Variants in CHST9 observed in about 807,000 individuals in gnomAD.
The protein encoded by CHST9 is carbohydrate sulfotransferase 9, also known as GalNAc-4-sulfotransferase 2.
Under a neutral mutation model 44.4 loss-of-function variants are expected in CHST9, and 41 were observed. The observed-to-expected ratio is 0.92, with a 90% CI of 0.72 to 1.20. CHST9 has a LOEUF of 1.20. Among genes scored for constraint, CHST9 ranks in the 50% most tolerant of loss-of-function variants. CHST9 has a pLI of 0.00. For synonymous variants in CHST9, 171 were observed against 178.4 expected (o/e 0.96, Z 0.33); for missense variants, 504 against 516.5 (o/e 0.98, Z 0.23).
intron 4 of CHST9, among the ~76,000 whole-genome samples, chr18:26,964,147 T>C (rs2056435143): frequency 6.6e-6 from 1 of 152,246 alleles, no homozygotes; most frequent in Non-Finnish European, 1.5e-5. Flanking sequence ...ATTAACGTTC[T>C]AATGCTTTAT....
intron 2 of CHST9, among the ~76,000 whole-genome samples, chr18:27,125,329 T>C (rs186581581): frequency 3.9e-5 from 6 of 152,332 alleles, no homozygotes; most frequent in African/African-American, 1.4e-4. Context: ...CTATTGTTTT[T>C]CATTTGCAAA....
At chr18:27,105,203 T>C (rs2143763330) in intron 2 of CHST9, among the ~76,000 whole-genome samples, 1 of 152,256 alleles carries the variant, frequency 6.6e-6, no homozygotes, top group Admixed American at 6.5e-5. Context: ...TCACTTTTCT[T>C]TACTCATCAA....
chr18:27,075,149 TG>T (rs1334315237), intron 2 of CHST9, among the ~76,000 whole-genome samples: 2 of 147,462 alleles, frequency 1.4e-5, no homozygotes, highest in African/African-American at 4.9e-5. Context: ...TTTTGGGGGT[TG>T]CTTTTTTTGT....
chr18:27,035,884 C>A (rs2057385768), intron 3 of CHST9, among the ~76,000 whole-genome samples: 1 of 151,974 alleles, frequency 6.6e-6, no homozygotes, highest in Non-Finnish European at 1.5e-5. Flanking sequence ...TCTCAACACA[C>A]ACACATGCAA....
chr18:27,149,299 T>A (rs1276503070), intron 1 of CHST9, among the ~76,000 whole-genome samples: 3 of 152,116 alleles, frequency 2.0e-5, no homozygotes, highest in African/African-American at 2.4e-5. Flanking sequence ...TTGTTGCCAT[T>A]GCTTTTGGTG....
chr18:27,046,137 G>A (rs1203151406), intron 3 of CHST9, among the ~76,000 whole-genome samples: 2 of 1,524 alleles, frequency 1.3e-3, no homozygotes, highest in South Asian at 0.042. Flanking sequence ...ATTCTTTTAG[G>A]GGGTGCCCAA....
chr18:26,963,087 G>T (rs1160042952), intron 4 of CHST9, among the ~76,000 whole-genome samples: 8 of 152,058 alleles, frequency 5.3e-5, no homozygotes, highest in Non-Finnish European at 1.2e-4. Context: ...AATACTGAGG[G>T]CATATTATGT....
chr18:26,946,711 G>A (rs913756325), intron 4 of CHST9, among the ~76,000 whole-genome samples: 2 of 152,132 alleles, frequency 1.3e-5, no homozygotes, highest in African/African-American at 4.8e-5. Flanking sequence ...TGTAAGGAAG[G>A]GGTCCAGTTT....
At position 27,169,829 on chromosome 18, in the gene CHST9, G is replaced by C. The variant is rs543176093; in HGVS notation, c.-97+15307C>G. 5.9e-5 allele frequency among the ~76,000 whole-genome samples: 9 copies of C among 151,918 alleles called. No homozygotes were observed. In the South Asian group the frequency reaches 1.9e-3, roughly 32 times the overall value. On this transcript the variant is annotated intron_variant, in intron 1 of 5. Coordinates refer to ENST00000618847, the MANE Select transcript of CHST9 (RefSeq NM_031422.6). ...TCACCGTGTTAGCCAGGATGGTCTCGATCTCCTAACGTCGTGATCCTCCCG... is the reference window on the plus strand; with the variant it reads ...TCACCGTGTTAGCCAGGATGGTCTCCATCTCCTAACGTCGTGATCCTCCCG...
chr18:27,021,377 G>C (rs896820053), intron 4 of CHST9, among the ~76,000 whole-genome samples: 2 of 152,152 alleles, frequency 1.3e-5, no homozygotes, highest in Non-Finnish European at 2.9e-5. Context: ...TGAATAGAAA[G>C]GGCGCCATTC....
At chr18:27,155,444 G>A (rs1163492278) in intron 1 of CHST9, among the ~76,000 whole-genome samples, 2 of 152,084 alleles carry the variant, frequency 1.3e-5, no homozygotes, top group African/African-American at 4.8e-5. Context: ...TATGATTAAG[G>A]CCCTGTGCTA....
intron 2 of CHST9, among the ~76,000 whole-genome samples, chr18:27,087,285 G>A (rs1343881080): frequency 1.3e-5 from 2 of 152,084 alleles, no homozygotes; most frequent in Non-Finnish European, 2.9e-5. Context: ...TAATTTAAAA[G>A]GTGTCAGGAA....
rs1444404579 is a variant in CHST9 at position 26,913,903 on chromosome 18, C to G, written c.*2356G>C. The G allele has an allele frequency of 2.0e-5, 3 of 152,092 alleles. No individual in the cohort carries two copies. The highest frequency in any genetic ancestry group is 3.9e-4 in the East Asian group (2 of 5,186). 9.4% of individuals were successfully genotyped at this position (152,092 alleles called of 1,614,324 possible). A position where few individuals can be genotyped will look rare whatever the true frequency, so the allele number is the denominator to read the frequency against. On this transcript the variant is annotated 3_prime_UTR_variant, in exon 6 of 6. Coordinates refer to ENST00000618847, the MANE Select transcript of CHST9 (RefSeq NM_031422.6). ...TCTTTGGTCCTAACATGAAAATAAG[C>G]CATCTAAAATGAAGAGCAGGTACAT...
At chr18:26,941,991 A>G (rs1279043077) in intron 5 of CHST9, among the ~76,000 whole-genome samples, 1 of 152,086 alleles carries the variant, frequency 6.6e-6, no homozygotes. Context: ...TTCAATTTCA[A>G]TTTAATTACA....
intron 2 of CHST9, among the ~76,000 whole-genome samples, chr18:27,078,324 T>C (rs1269992946): frequency 6.6e-6 from 1 of 152,136 alleles, no homozygotes; most frequent in Non-Finnish European, 1.5e-5. Flanking sequence ...CATGACCAGC[T>C]CTAGTCCCTC....
intron 4 of CHST9, among the ~76,000 whole-genome samples, chr18:26,996,044 T>C (rs372281214): frequency 6.2e-4 from 94 of 152,320 alleles, no homozygotes; most frequent in African/African-American, 2.1e-3. Flanking sequence ...ACTCGTTGCT[T>C]ACATGTCTTA....
At chr18:26,938,482 C>T (rs2056032322) in intron 5 of CHST9, among the ~76,000 whole-genome samples, 1 of 152,136 alleles carries the variant, frequency 6.6e-6, no homozygotes, top group African/African-American at 2.4e-5. Flanking sequence ...CCATTAGTGC[C>T]AAACTTGCAA....
At chr18:26,964,274 A>G (rs1402536122) in intron 4 of CHST9, among the ~76,000 whole-genome samples, 2 of 152,242 alleles carry the variant, frequency 1.3e-5, no homozygotes, top group Non-Finnish European at 2.9e-5. Flanking sequence ...GGCAGCTCTT[A>G]TAATTTTCAG....
intron 4 of CHST9, among the ~76,000 whole-genome samples, chr18:26,985,702 A>T (rs576770072): frequency 6.6e-6 from 1 of 152,350 alleles, no homozygotes; most frequent in African/African-American, 2.4e-5. Flanking sequence ...TGATGAGTAC[A>T]TGCATATGTC....
Sources: gnomAD v4.1 joint callset for allele counts (sites outside exome capture counted in the v4.1 genomes callset) on GRCh38, gnomAD v4.1.1 for gene constraint, MANE v1.5 for transcripts, NCBI Gene and HGNC (gene_info 2026-07-23, HGNC 2026-07-21) for gene names.